Variants in NRF1 observed in about 807,000 individuals in gnomAD.
NRF1 encodes the protein alpha palindromic-binding protein.
Under a neutral mutation model 58.5 loss-of-function variants are expected in NRF1, and 5 were observed. The observed-to-expected ratio is 0.09, with a 90% CI of 0.04 to 0.18. The LOEUF (loss-of-function observed/expected upper bound fraction) is 0.18, where lower values mean the gene tolerates loss of function less well. NRF1 is among the 10% of genes least tolerant of loss of function. The probability of loss-of-function intolerance (pLI) is 1.00; values close to 1 mark genes in which losing one functional copy is unlikely to be tolerated. For synonymous variants in NRF1, 224 were observed against 246.7 expected (o/e 0.91, Z 0.86); for missense variants, 288 against 657.7 (o/e 0.44, Z 6.15).
chr7:129,668,763 C>A (rs56099086), intron 2 of NRF1, among the ~76,000 whole-genome samples: 29,021 of 152,082 alleles, frequency 0.19, 3,034 homozygotes, highest in East Asian at 0.47. Flanking sequence ...TTACTACTTA[C>A]TATATGATTC....
At position 129,683,320 on chromosome 7, in the gene NRF1, T is replaced by TGTGA. The variant is rs1334499896; in HGVS notation, c.465+5563_465+5564insTGAG. Among the ~76,000 whole-genome samples the TGTGA allele has an allele frequency of 7.3e-3, 990 of 136,402 alleles. 6 individuals carry two copies. The highest frequency in any genetic ancestry group is 0.014 in the Middle Eastern group (4 of 276). 89.5% of individuals were successfully genotyped at this position (136,402 alleles called of 152,430 possible). On this transcript the variant is annotated intron_variant, in intron 4 of 10. Transcript: ENST00000393232. The stretch of plus-strand genomic sequence containing the variant: ...GTGTGTGTGTGTGTGTGTGTGTGTG[T>TGTGA]GAGAGAGAGAGAGAGAGAGAGAGAG...
intron 1 of NRF1, among the ~76,000 whole-genome samples, chr7:129,645,012 CT>C (rs1290085885): frequency 6.6e-6 from 1 of 150,896 alleles, no homozygotes; most frequent in Non-Finnish European, 1.5e-5. Flanking sequence ...GTCAAAATTC[CT>C]AATGTGATCT....
chr7:129,619,566 A>T (rs1800746077), intron 1 of NRF1, among the ~76,000 whole-genome samples: 1 of 145,190 alleles, frequency 6.9e-6, no homozygotes, highest in Non-Finnish European at 1.5e-5. Context: ...TTTCTAGAGC[A>T]TTACTAAATT....
chr7:129,655,769 G>A (rs1801640145), intron 1 of NRF1, among the ~76,000 whole-genome samples: 2 of 152,140 alleles, frequency 1.3e-5, no homozygotes, highest in South Asian at 4.1e-4. Context: ...TGATACACCT[G>A]CCTCGGCCTC....
intron 1 of NRF1, among the ~76,000 whole-genome samples, chr7:129,628,466 A>T (rs1313042439): frequency 6.6e-6 from 1 of 152,212 alleles, no homozygotes; most frequent in Non-Finnish European, 1.5e-5. Flanking sequence ...TGTACATGTT[A>T]AAAAGTTAAT....
chr7:129,617,567 AC>A (rs1800684016), intron 1 of NRF1, among the ~76,000 whole-genome samples: 1 of 152,212 alleles, frequency 6.6e-6, no homozygotes, highest in African/African-American at 2.4e-5. Context: ...TTAAAGATAT[AC>A]CACATTCTGG....
chr7:129,755,151 A>C lies in NRF1; in HGVS notation c.1482A>C (p.Gln494His). The C allele has an allele frequency of 6.2e-7, 1 of 1,613,390 alleles. No individual in the cohort carries two copies. The highest frequency in any genetic ancestry group is 8.5e-7 in the Non-Finnish European group (1 of 1,179,750). ...ACAGCGCAGTCACCATGGACGGCCAAGCTGTGGAGGTGGTGACATTGGAAC... is the reference window on the plus strand; with the variant it reads ...ACAGCGCAGTCACCATGGACGGCCACGCTGTGGAGGTGGTGACATTGGAAC... ...ISDSAVTMDGQAVEVVTLEQ is the reference protein window; with the variant it reads ...ISDSAVTMDGHAVEVVTLEQ Residue 494 changes from glutamine (Q) to histidine (H), a missense_variant, in exon 11 of 11, where the codon CAA becomes CAC. Gln to His is a conservative substitution (Grantham distance 24, BLOSUM62 0). Transcript: ENST00000393232. The surrounding 1 kb of genome is among the most constrained non-coding windows in gnomAD (Gnocchi z 5.8).
chr7:129,665,650 G>T (rs1801903170), intron 2 of NRF1, among the ~76,000 whole-genome samples: 1 of 152,100 alleles, frequency 6.6e-6, no homozygotes, highest in African/African-American at 2.4e-5. Context: ...TTGAGACAGG[G>T]TTTCACTCTG....
In NRF1 at chr7:129,657,409, G is replaced by A. The variant is rs1461156917; in HGVS notation, c.58G>A (p.Val20Met). 1 of 1,614,138 alleles carries A rather than the reference G, an allele frequency of 6.2e-7. No individual in the cohort carries two copies. The highest frequency in any genetic ancestry group is 8.5e-7 in the Non-Finnish European group (1 of 1,180,028). Residue 20 changes from valine (V) to methionine (M), a missense_variant, in exon 2 of 11, where the codon GTG becomes ATG. Val to Met is a conservative substitution (Grantham distance 21, BLOSUM62 1). Transcript: ENST00000393232. Reference sequence around the variant, plus strand: ...TATGGCTACCATAGAAGCACATGCAGTGGCCCAGCAAGTGCAGCAGGTCCA... The same window carrying A: ...TATGGCTACCATAGAAGCACATGCAATGGCCCAGCAAGTGCAGCAGGTCCA... ...EHMATIEAHA[V>M]AQQVQQVHVA...
In NRF1 at chr7:129,658,596, G is replaced by GA. The variant is rs35139001; in HGVS notation, c.223+1038dup. Among the ~76,000 whole-genome samples the GA allele has an allele frequency of 6.7e-3, 749 of 112,236 alleles. 1 individual carries two copies. Among genetic ancestry groups the GA allele is most frequent in the Non-Finnish European group, 8.6e-3 (464 of 54,252 alleles). The allele number at this position is 112,236 out of a possible 152,430, so 73.6% of individuals were successfully genotyped here. On this transcript the variant is annotated intron_variant, in intron 2 of 10. Coordinates refer to ENST00000393232, the MANE Select transcript of NRF1 (RefSeq NM_005011.5). ...ACAGAGTGAGAGCCTGTGTCCAGTTGAAAAAAAAAAAAAAAAGGAAAAGCA... is the reference window on the plus strand; with the variant it reads ...ACAGAGTGAGAGCCTGTGTCCAGTTGAAAAAAAAAAAAAAAAAGGAAAAGCA...
intron 10 of NRF1, among the ~76,000 whole-genome samples, chr7:129,731,768 G>A (rs188309188): frequency 2.6e-5 from 4 of 152,110 alleles, no homozygotes; most frequent in Admixed American, 2.0e-4. Flanking sequence ...GCCACACCGC[G>A]CTAATTTTTT....
chr7:129,638,776 CCTT>C (rs1287547817), intron 1 of NRF1, among the ~76,000 whole-genome samples: 12 of 152,130 alleles, frequency 7.9e-5, no homozygotes, highest in East Asian at 1.9e-4. Context: ...TTTCTCCCCT[CCTT>C]CTGTGAGTTT....
intron 1 of NRF1, among the ~76,000 whole-genome samples, chr7:129,614,264 G>A (rs912394121): frequency 6.6e-6 from 1 of 151,600 alleles, no homozygotes; most frequent in South Asian, 2.1e-4. Flanking sequence ...TACAGGCGTG[G>A]GCCACCATGC....
intron 10 of NRF1, among the ~76,000 whole-genome samples, chr7:129,754,420 G>A (rs561939047): frequency 4.7e-4 from 60 of 126,714 alleles, no homozygotes; most frequent in Non-Finnish European, 8.0e-4. Flanking sequence ...CTGTGGTCAC[G>A]CCACTGCACT....
chr7:129,632,455 T>C (rs897192323), intron 1 of NRF1, among the ~76,000 whole-genome samples: 1 of 152,182 alleles, frequency 6.6e-6, no homozygotes, highest in Non-Finnish European at 1.5e-5. Context: ...TAGAACAATA[T>C]AATAAATTCC....
intron 1 of NRF1, among the ~76,000 whole-genome samples, chr7:129,612,167 C>T (rs1195671862): frequency 6.6e-6 from 1 of 150,900 alleles, no homozygotes; most frequent in Non-Finnish European, 1.5e-5. Flanking sequence ...CGGGGCCCGG[C>T]CTTCCCGCAG....
At chr7:129,679,727 AAAAG>A (rs935501838) in intron 4 of NRF1, among the ~76,000 whole-genome samples, 14 of 151,772 alleles carry the variant, frequency 9.2e-5, no homozygotes, top group Middle Eastern at 6.8e-3. Context: ...CATCTCAAAA[AAAAG>A]AAAGAAAGAA....
chr7:129,652,524 A>G (rs1801559364), intron 1 of NRF1, among the ~76,000 whole-genome samples: 1 of 152,220 alleles, frequency 6.6e-6, no homozygotes, highest in South Asian at 2.1e-4. Context: ...AAGATTTTTA[A>G]TAAAGATAAT....
At chr7:129,687,051 A>T (rs1428212688) in intron 4 of NRF1, among the ~76,000 whole-genome samples, 1 of 152,232 alleles carries the variant, frequency 6.6e-6, no homozygotes, top group Non-Finnish European at 1.5e-5. Context: ...GTATACATAT[A>T]TAAAAAGGAA....
Sources: allele counts gnomAD v4.1 joint callset (sites outside exome capture counted in the v4.1 genomes callset), GRCh38; gene constraint gnomAD v4.1.1; non-coding constraint Gnocchi (gnomAD v3.1); transcripts MANE v1.5; gene names NCBI Gene and HGNC (gene_info 2026-07-23, HGNC 2026-07-21).